The following RARS1 variants were observed in gnomAD, a reference collection of about 807,000 sequenced individuals.
RARS1 encodes arginine--tRNA ligase, cytoplasmic.
A neutral mutation model predicts 78.7 loss-of-function variants in RARS1; 75 were observed. That is an observed-to-expected ratio of 0.95 (90% confidence interval 0.79 to 1.15). RARS1 has a LOEUF of 1.15. RARS1 is among the 50% of genes most tolerant of loss of function. RARS1 has a pLI of 0.00. For synonymous variants in RARS1, 273 were observed against 268.2 expected (o/e 1.02, Z -0.18); for missense variants, 787 against 787.5 (o/e 1.00, Z 0.01).
chr5:168,497,062 G>T, intron 6 of RARS1, 166 bp from the exon 7 acceptor site: 1 of 481,274 alleles, frequency 2.1e-6, no homozygotes, highest in Non-Finnish European at 3.4e-6. Context: ...ATCTCTTGTG[G>T]AGTTTGCAGA....
chr5:168,498,274 A>G (rs570554414), intron 7 of RARS1, among the ~76,000 whole-genome samples: 6 of 152,230 alleles, frequency 3.9e-5, no homozygotes, highest in African/African-American at 1.4e-4. Flanking sequence ...AAAATGAATT[A>G]TACCACATTG....
At chr5:168,514,868 C>T (rs1167399365) in intron 12 of RARS1, among the ~76,000 whole-genome samples, 1 of 152,210 alleles carries the variant, frequency 6.6e-6, no homozygotes, top group Non-Finnish European at 1.5e-5. Context: ...CTCAACACTT[C>T]TGAAGTCTGC....
At chr5:168,499,168 A>C (rs1758263536) in intron 7 of RARS1, among the ~76,000 whole-genome samples, 1 of 151,750 alleles carries the variant, frequency 6.6e-6, no homozygotes, top group Admixed American at 6.6e-5. Flanking sequence ...AAATACAAAA[A>C]ATTAGCCGGG....
intron 2 of RARS1, among the ~76,000 whole-genome samples, chr5:168,491,946 CTTTT>C (rs149780336): frequency 0.055 from 5,658 of 102,752 alleles, 130 homozygotes; most frequent in African/African-American, 0.13. Flanking sequence ...TGTCATTCAC[CTTTT>C]TTTTTTTTTT....
intron 9 of RARS1, among the ~76,000 whole-genome samples, chr5:168,505,573 C>T (rs1356817398): frequency 6.6e-6 from 1 of 151,984 alleles, no homozygotes; most frequent in African/African-American, 2.4e-5. Context: ...CTGATGGGTT[C>T]CAACTAAAGA....
At chr5:168,509,672 T>C (rs1166892047) in intron 11 of RARS1, among the ~76,000 whole-genome samples, 1 of 151,566 alleles carries the variant, frequency 6.6e-6, no homozygotes, top group East Asian at 1.9e-4. Context: ...TCTTTTTTTT[T>C]TTTTTAAAGG....
At chr5:168,496,210 C>A (rs1758181460) in intron 6 of RARS1, among the ~76,000 whole-genome samples, 1 of 151,602 alleles carries the variant, frequency 6.6e-6, no homozygotes, top group South Asian at 2.1e-4. Context: ...GAAACCCTGT[C>A]TCTACTAAAA....
At chr5:168,514,939 C>G (rs1395907664) in intron 12 of RARS1, among the ~76,000 whole-genome samples, 1 of 152,064 alleles carries the variant, frequency 6.6e-6, no homozygotes, top group Non-Finnish European at 1.5e-5. Context: ...GGCTCCTGTT[C>G]TGTTAATTCT....
intron 12 of RARS1, among the ~76,000 whole-genome samples, chr5:168,512,803 A>C (rs1486432730): frequency 6.6e-6 from 1 of 152,184 alleles, no homozygotes; most frequent in Admixed American, 6.5e-5. Flanking sequence ...TGCCTTTCCC[A>C]GACAACTGAC....
chr5:168,510,791 A>G (rs1379114159), intron 12 of RARS1, 105 bp downstream of exon 12: 25 of 699,730 alleles, frequency 3.6e-5, no homozygotes, highest in Non-Finnish European at 5.9e-5. Flanking sequence ...AGTCCCACCT[A>G]GGACAAGGCT....
intron 3 of RARS1, 50 bp downstream of exon 3, chr5:168,492,897 A>T (rs372254361): frequency 9.4e-6 from 13 of 1,379,604 alleles, no homozygotes; most frequent in Non-Finnish European, 1.3e-5. Context: ...AAGTATTATT[A>T]TCATCATTGC....
In RARS1 at chr5:168,510,671, AAAAG is replaced by A. The variant is rs1057518618; in HGVS notation, c.1443_1446del (p.Arg482ThrfsTer4). 1 of 1,605,442 alleles carries A rather than the reference AAAAG, an allele frequency of 6.2e-7. No individual in the cohort carries two copies. On this transcript the variant is annotated frameshift_variant, in exon 12 of 15. Coordinates refer to ENST00000231572, the MANE Select transcript of RARS1 (RefSeq NM_002887.4). LOFTEE classifies it high-confidence loss of function. ...AACGATCCATGGACAAGTTGAAGGA[AAAAG>A]AAAGAGACAAGGTAATTCAAAGCCT...
At chr5:168,505,154 AT>A (rs1435431577) in intron 9 of RARS1, among the ~76,000 whole-genome samples, 1 of 152,190 alleles carries the variant, frequency 6.6e-6, no homozygotes, top group Non-Finnish European at 1.5e-5. Flanking sequence ...TGCTTATTTT[AT>A]ACTGCCTTTA....
At position 168,506,172 on chromosome 5, in the gene RARS1, G is replaced by A. The variant is rs2152905319; in HGVS notation, c.1209G>A (p.Met403Ile). 5 of 1,579,482 alleles carry A rather than the reference G, an allele frequency of 3.2e-6. No homozygotes were observed. The highest frequency in any genetic ancestry group is 4.3e-6 in the Non-Finnish European group (5 of 1,163,320). Residue 403 changes from methionine (M) to isoleucine (I), a missense_variant, in exon 10 of 15, where the codon ATG (methionine) becomes ATA (isoleucine). Physicochemically the swap from Met to Ile is conservative, Grantham distance 10 (BLOSUM62 1). Coordinates refer to ENST00000231572, the MANE Select transcript of RARS1 (RefSeq NM_002887.4). Reference sequence around the variant, plus strand: ...GACTATTTGAGGAAAAAGCAGATATGATTATCTATGTTGTGGACAATGGAC... The same window carrying A: ...GACTATTTGAGGAAAAAGCAGATATAATTATCTATGTTGTGGACAATGGAC... ...KQRLFEEKAD[M>I]IIYVVDNGQS...
intron 2 of RARS1, among the ~76,000 whole-genome samples, chr5:168,490,639 A>G (rs1196883992): frequency 1.3e-5 from 2 of 152,312 alleles, no homozygotes; most frequent in South Asian, 4.1e-4. Flanking sequence ...TGTGATGGCC[A>G]TTCACCCTGT....
chr5:168,494,747 TG>T (rs1235252972), intron 5 of RARS1, 97 bp downstream of exon 5: 3 of 886,188 alleles, frequency 3.4e-6, no homozygotes, highest in Non-Finnish European at 5.3e-6. Context: ...CTTGGGAGGC[TG>T]AAGCAGGAGG....
At chr5:168,493,300 T>G (rs1758121995) in intron 3 of RARS1, 1 of 157,842 alleles carries the variant, frequency 6.3e-6, no homozygotes, top group South Asian at 1.9e-4. Flanking sequence ...GTGTTTATGG[T>G]TAACTGCATC....
chr5:168,503,706 G>A (rs1461975713), intron 9 of RARS1, among the ~76,000 whole-genome samples: 1 of 151,926 alleles, frequency 6.6e-6, no homozygotes, highest in Non-Finnish European at 1.5e-5. Flanking sequence ...TATCTCTATG[G>A]AAGCCTGTTT....
At chr5:168,492,991 TG>T (rs529901754) in intron 3 of RARS1, 144 bp downstream of exon 3, 6 of 776,238 alleles carry the variant, frequency 7.7e-6, no homozygotes, top group Non-Finnish European at 9.8e-6. Flanking sequence ...AGAAAGGAGT[TG>T]GGGGGGTATA....
Sources: gnomAD v4.1 joint callset for allele counts (sites outside exome capture counted in the v4.1 genomes callset) on GRCh38, gnomAD v4.1.1 for gene constraint, MANE v1.5 for transcripts, NCBI Gene and HGNC (gene_info 2026-07-23, HGNC 2026-07-21) for gene names.